The following TCF12 variants were observed in gnomAD, a reference collection of about 807,000 sequenced individuals.
TCF12 encodes DNA-binding protein HTF4.
Under a neutral mutation model 86.0 loss-of-function variants are expected in TCF12, and 45 were observed. That is an observed-to-expected ratio of 0.52 (90% CI 0.41 to 0.67). TCF12 has a LOEUF of 0.67. TCF12 is among the 30% of genes least tolerant of loss of function. The probability of loss-of-function intolerance (pLI) is 0.00; values close to 1 mark genes in which losing one functional copy is unlikely to be tolerated. For synonymous variants in TCF12, 330 were observed against 299.6 expected, an observed-to-expected ratio of 1.10 and a Z score of -1.05; for missense variants, 881 against 859.9, an observed-to-expected ratio of 1.02 and a Z score of -0.31.
intron 10 of TCF12, 39 bp downstream of exon 10, chr15:57,232,469 G>A: frequency 6.5e-7 from 1 of 1,544,796 alleles, no homozygotes; most frequent in South Asian, 1.3e-5. Context: ...GCAACACTTT[G>A]TCCTCACTTG....
In TCF12 at chr15:57,179,912, C is replaced by CATAATTA. The variant is rs529627196; in HGVS notation, c.391-12243_391-12237dup. On this transcript the variant is annotated intron_variant, in intron 6 of 20. Transcript: ENST00000333725. ...TCTTAGACAAAACACTAGAGAGGAT[C>CATAATTA]ATAATTAATGTCTCATTTTCTGCCA... Among the ~76,000 whole-genome samples, 22 of 152,242 alleles carry CATAATTA rather than the reference C, an allele frequency of 1.4e-4. No homozygotes were observed. In the South Asian group the frequency reaches 4.4e-3, roughly 30 times the overall value.
At chr15:57,115,394 T>C (rs1037659374) in intron 5 of TCF12, among the ~76,000 whole-genome samples, 9 of 152,216 alleles carry the variant, frequency 5.9e-5, no homozygotes, top group Non-Finnish European at 1.3e-4. Context: ...ATTCTAGTAA[T>C]TTTTGATGAA....
At chr15:56,919,153 G>C (rs1401105615) in intron 1 of TCF12, 2 of 151,736 alleles carry the variant, frequency 1.3e-5, no homozygotes, top group African/African-American at 2.4e-5. Context: ...TGCCCGACTC[G>C]GGCCGGCGCC....
chr15:57,253,966 A>G (rs539228608), intron 16 of TCF12, among the ~76,000 whole-genome samples: 3 of 152,288 alleles, frequency 2.0e-5, no homozygotes, highest in Admixed American at 2.0e-4. Context: ...TTAATCCACA[A>G]AGAGAATTTT....
chr15:57,102,323 C>T (rs576967835), intron 5 of TCF12, among the ~76,000 whole-genome samples: 11 of 152,244 alleles, frequency 7.2e-5, no homozygotes, highest in South Asian at 2.1e-4. Context: ...TATGGCCGGG[C>T]GTGGTGGCTC....
At chr15:57,099,132 T>C (rs2049545911) in intron 5 of TCF12, among the ~76,000 whole-genome samples, 1 of 152,190 alleles carries the variant, frequency 6.6e-6, no homozygotes, top group Non-Finnish European at 1.5e-5. Context: ...TTCCTGGCAG[T>C]ATCGTCTTTT....
intron 4 of TCF12, among the ~76,000 whole-genome samples, chr15:57,080,130 C>A (rs1201067685): frequency 6.6e-6 from 1 of 152,142 alleles, no homozygotes; most frequent in African/African-American, 2.4e-5. Context: ...AAATAAATGT[C>A]TCTACTGACA....
At chr15:56,989,429 TAAAAC>T (rs752752205) in intron 3 of TCF12, among the ~76,000 whole-genome samples, 35 of 152,192 alleles carry the variant, frequency 2.3e-4, no homozygotes, top group Non-Finnish European at 3.4e-4. Context: ...TTGCAGGACT[TAAAAC>T]AAAACAAACA....
Position 56,937,953 on chromosome 15 carries a change from C to CTAG in TCF12, c.148+16858_148+16860dup, listed in dbSNP as rs533360676. Among the ~76,000 whole-genome samples, 29 of 147,310 alleles carry CTAG rather than the reference C, an allele frequency of 2.0e-4. No homozygotes were observed. The East Asian group carries it at 5.2e-3, about 26-fold the overall frequency. On this transcript the variant is annotated intron_variant, in intron 3 of 20. Coordinates refer to ENST00000333725, the MANE Select transcript of TCF12 (RefSeq NM_207037.2). ...TTGATATACTGTTTGATTCGGTTAG[C>CTAG]TAGTATTTTGTTACAGATTTTTGCA...
chr15:57,091,171 T>C (rs550657828), intron 4 of TCF12, among the ~76,000 whole-genome samples: 1 of 152,330 alleles, frequency 6.6e-6, no homozygotes, highest in African/African-American at 2.4e-5. Context: ...TAGGAGTATA[T>C]ATTGTTCTAC....
At chr15:56,956,897 A>G (rs2061524576) in intron 3 of TCF12, among the ~76,000 whole-genome samples, 1 of 152,082 alleles carries the variant, frequency 6.6e-6, no homozygotes, top group Non-Finnish European at 1.5e-5. Flanking sequence ...ACTTTCTGGA[A>G]CTGTGAATGC....
chr15:57,196,980 A>T (rs1194371114), intron 7 of TCF12, among the ~76,000 whole-genome samples: 1 of 152,086 alleles, frequency 6.6e-6, no homozygotes, highest in Non-Finnish European at 1.5e-5. Flanking sequence ...CAAGCATAGC[A>T]TTAGCTCTCA....
chr15:56,989,908 C>G (rs2063358994), intron 3 of TCF12, among the ~76,000 whole-genome samples: 1 of 152,220 alleles, frequency 6.6e-6, no homozygotes, highest in South Asian at 2.1e-4. Flanking sequence ...CCTAGTTTTC[C>G]TTGACCTGGC....
At chr15:57,100,423 CT>C (rs571976256) in intron 5 of TCF12, among the ~76,000 whole-genome samples, 2,248 of 130,810 alleles carry the variant, frequency 0.017, 38 homozygotes, top group African/African-American at 0.055. Context: ...TTCACTTCCT[CT>C]TTTTTTTTTT....
chr15:57,164,903 A>G (rs1596970198), intron 5 of TCF12, among the ~76,000 whole-genome samples: 3 of 151,526 alleles, frequency 2.0e-5, no homozygotes, highest in Admixed American at 2.0e-4. Flanking sequence ...CTGGTCTTGA[A>G]CTCCTGACCT....
chr15:57,171,821 G>A (rs1299714990), intron 6 of TCF12, among the ~76,000 whole-genome samples: 3 of 152,066 alleles, frequency 2.0e-5, no homozygotes, highest in Non-Finnish European at 4.4e-5. Flanking sequence ...ATTAATAATA[G>A]GTATATCACT....
At chr15:57,146,263 A>T (rs1267228554) in intron 5 of TCF12, among the ~76,000 whole-genome samples, 1 of 152,164 alleles carries the variant, frequency 6.6e-6, no homozygotes, top group East Asian at 1.9e-4. Context: ...ACCAAAGGAA[A>T]ATGTAACTGA....
At chr15:57,127,637 T>C (rs1458545051) in intron 5 of TCF12, among the ~76,000 whole-genome samples, 1 of 152,196 alleles carries the variant, frequency 6.6e-6, no homozygotes, top group Non-Finnish European at 1.5e-5. Context: ...TGAGTGTGAG[T>C]ATATAGTAAT....
Position 56,968,989 on chromosome 15 carries a change from T to A in TCF12, c.148+47891T>A, listed in dbSNP as rs561841543. Among the ~76,000 whole-genome samples, 8 of 152,338 alleles carry A rather than the reference T, an allele frequency of 5.3e-5. No individual in the cohort carries two copies. In the South Asian group the frequency reaches 1.7e-3, roughly 32 times the overall value. On this transcript the variant is annotated intron_variant, in intron 3 of 20. Coordinates refer to ENST00000333725, the MANE Select transcript of TCF12 (RefSeq NM_207037.2). ...GCCTTCCACTGAATAGACACTTTAG[T>A]CTGGCTCAGTTAATCTGCATTCATA...
Sources: gnomAD v4.1 joint callset for allele counts (sites outside exome capture counted in the v4.1 genomes callset) on GRCh38, gnomAD v4.1.1 for gene constraint, MANE v1.5 for transcripts, NCBI Gene and HGNC (gene_info 2026-07-23, HGNC 2026-07-21) for gene names.